The following EBF1 variants were observed in gnomAD, a reference collection of about 807,000 sequenced individuals.
The protein encoded by EBF1 is EBF transcription factor 1, also known as transcription factor COE1.
A neutral mutation model predicts 68.4 loss-of-function variants in EBF1; 10 were observed. The observed-to-expected ratio is 0.15, with a 90% CI of 0.09 to 0.25. The LOEUF (loss-of-function observed/expected upper bound fraction) is 0.25. Ranked by LOEUF, EBF1 falls within the 10% of genes least tolerant of loss-of-function variation. The pLI is 1.00. For synonymous variants in EBF1, 298 were observed against 299.8 expected, an observed-to-expected ratio of 0.99 and a Z score of 0.06; for missense variants, 509 against 794.4, an observed-to-expected ratio of 0.64 and a Z score of 4.32.
intron 6 of EBF1, among the ~76,000 whole-genome samples, chr5:159,041,660 C>A (rs1771224046): frequency 6.6e-6 from 1 of 152,202 alleles, no homozygotes. Context: ...TGACATTCAG[C>A]ACATGCATCT....
chr5:158,909,126 AAAAAG>A (rs1489591819), intron 6 of EBF1, among the ~76,000 whole-genome samples: 3 of 152,168 alleles, frequency 2.0e-5, no homozygotes, highest in Non-Finnish European at 4.4e-5. Context: ...CAGAAAAAAA[AAAAAG>A]AAAACAGAAA....
chr5:158,797,005 C>A (rs1020689786), intron 8 of EBF1, among the ~76,000 whole-genome samples: 3 of 152,166 alleles, frequency 2.0e-5, no homozygotes, highest in South Asian at 2.1e-4. Context: ...AAAATCATTA[C>A]GATTTTTTTT....
chr5:158,740,874 G>C (rs1224889181), intron 10 of EBF1, among the ~76,000 whole-genome samples: 1 of 152,110 alleles, frequency 6.6e-6, no homozygotes, highest in African/African-American at 2.4e-5. Context: ...TACTACTTCA[G>C]AGCTCCTCAA....
chr5:158,861,882 A>C (rs1249601804), intron 6 of EBF1, among the ~76,000 whole-genome samples: 1 of 152,160 alleles, frequency 6.6e-6, no homozygotes, highest in Non-Finnish European at 1.5e-5. Flanking sequence ...TTCATAGATA[A>C]ATAAAAGCCA....
intron 6 of EBF1, among the ~76,000 whole-genome samples, chr5:159,064,899 CTTTTTTTT>C (rs57256923): frequency 4.4e-5 from 3 of 67,912 alleles, no homozygotes; most frequent in Admixed American, 2.2e-4. Context: ...CTCTTTTCAT[CTTTTTTTT>C]TTTTTTTTTT....
chr5:158,959,876 A>C (rs1226336599), intron 6 of EBF1, among the ~76,000 whole-genome samples: 1 of 152,240 alleles, frequency 6.6e-6, no homozygotes, highest in Admixed American at 6.5e-5. Context: ...CATAGCAATT[A>C]AAATCATGCA....
chr5:158,917,973 G>A (rs777618976), intron 6 of EBF1, among the ~76,000 whole-genome samples: 11 of 152,124 alleles, frequency 7.2e-5, no homozygotes, highest in African/African-American at 2.7e-4. Flanking sequence ...AGGGGGATGT[G>A]TACTCTAGGA....
chr5:158,835,128 C>T (rs1788460928), intron 7 of EBF1, among the ~76,000 whole-genome samples: 1 of 152,216 alleles, frequency 6.6e-6, no homozygotes, highest in Non-Finnish European at 1.5e-5. Flanking sequence ...CATAAGCAAT[C>T]TTCAACCAAT....
At chr5:158,757,610 A>C (rs1035011604) in intron 10 of EBF1, among the ~76,000 whole-genome samples, 1 of 152,192 alleles carries the variant, frequency 6.6e-6, no homozygotes, top group African/African-American at 2.4e-5. Context: ...TTATACGCAC[A>C]AGAGCCTGGA....
chr5:158,919,627 A>G (rs1807962805), intron 6 of EBF1, among the ~76,000 whole-genome samples: 1 of 152,198 alleles, frequency 6.6e-6, no homozygotes, highest in African/African-American at 2.4e-5. Context: ...GGGAAACCTG[A>G]AACAGAACCA....
At chr5:158,844,563 A>G (rs142293453) in intron 6 of EBF1, among the ~76,000 whole-genome samples, 2 of 152,326 alleles carry the variant, frequency 1.3e-5, no homozygotes, top group Non-Finnish European at 2.9e-5. Flanking sequence ...TATGAGAAAA[A>G]TTAGGCATCA....
chr5:158,803,366 T>C (rs948199736), intron 8 of EBF1, among the ~76,000 whole-genome samples: 20 of 151,620 alleles, frequency 1.3e-4, no homozygotes, highest in Non-Finnish European at 2.5e-4. Context: ...TTTTTTTTTT[T>C]TTTTTTCAGT....
At chr5:158,992,373 A>G (rs1760509401) in intron 6 of EBF1, among the ~76,000 whole-genome samples, 1 of 151,910 alleles carries the variant, frequency 6.6e-6, no homozygotes, top group Admixed American at 6.6e-5. Flanking sequence ...TTTTGAAACT[A>G]TGAATGTGTA....
chr5:158,916,480 T>A (rs973675571), intron 6 of EBF1, among the ~76,000 whole-genome samples: 7 of 152,196 alleles, frequency 4.6e-5, no homozygotes, highest in African/African-American at 1.4e-4. Flanking sequence ...TTATTCTATA[T>A]GCCAAACATT....
intron 6 of EBF1, among the ~76,000 whole-genome samples, chr5:158,857,306 A>T (rs1794222361): frequency 6.6e-6 from 1 of 151,872 alleles, no homozygotes; most frequent in Non-Finnish European, 1.5e-5. Flanking sequence ...ATGCACTGGG[A>T]CACTCCCCTG....
At chr5:159,093,810 T>C (rs1369283904) in intron 4 of EBF1, among the ~76,000 whole-genome samples, 1 of 152,114 alleles carries the variant, frequency 6.6e-6, no homozygotes, top group Non-Finnish European at 1.5e-5. Flanking sequence ...GTCTTAATTC[T>C]GTGCTTCTTA....
intron 7 of EBF1, among the ~76,000 whole-genome samples, chr5:158,826,944 C>T (rs2127888474): frequency 6.6e-6 from 1 of 152,306 alleles, no homozygotes; most frequent in South Asian, 2.1e-4. Flanking sequence ...CACAAAATTT[C>T]ATCCTTGGCT....
At chr5:158,823,100 G>A in intron 8 of EBF1, 76 bp downstream of exon 8, 2 of 1,581,402 alleles carry the variant, frequency 1.3e-6, no homozygotes, top group Admixed American at 1.7e-5. Flanking sequence ...TAGAACATGT[G>A]GTGGAGTGGA....
chr5:158,896,886 C>T (rs79761288), intron 6 of EBF1, among the ~76,000 whole-genome samples: 3,576 of 152,244 alleles, frequency 0.023, 135 homozygotes, highest in African/African-American at 0.082. Flanking sequence ...GCCCACCCAC[C>T]TATCCTATCC....
Sources: allele counts gnomAD v4.1 joint callset (sites outside exome capture counted in the v4.1 genomes callset), GRCh38; gene constraint gnomAD v4.1.1; transcripts MANE v1.5; gene names NCBI Gene and HGNC (gene_info 2026-07-23, HGNC 2026-07-21).